MYO9A: variants seen among roughly 807,000 people sequenced by gnomAD.
MYO9A encodes the protein unconventional myosin-IXa.
A neutral mutation model predicts 293.3 loss-of-function variants in MYO9A; 103 were observed. The ratio of observed to expected loss-of-function variants is 0.35; its 90% CI spans 0.30 to 0.41. The LOEUF (loss-of-function observed/expected upper bound fraction) is 0.41, where lower values mean the gene tolerates loss of function less well. Ranked by LOEUF, MYO9A falls within the 10% of genes least tolerant of loss-of-function variation. The pLI, the probability that MYO9A is intolerant of heterozygous loss-of-function variation, is 1.00. For missense variants in MYO9A, 2,685 were observed against 3,033.0 expected, an observed-to-expected ratio of 0.89 and a Z score of 2.69; for synonymous variants, 1,001 against 1,035.7, an observed-to-expected ratio of 0.97 and a Z score of 0.64.
In MYO9A at chr15:71,893,611, T is replaced by C. The variant is rs1055064262; in HGVS notation, c.5142+68A>G. The C allele has an allele frequency of 7.7e-6, 10 of 1,302,878 alleles. No homozygotes were observed. The Admixed American group carries it at 1.3e-4, about 17-fold the overall frequency. 80.7% of individuals were successfully genotyped at this position (1,302,878 alleles called of 1,614,324 possible). ...AGATGAGGTGCTCTACCTACAAGAA[T>C]AATAATTTCCAAAATAATGTACATC... On this transcript the variant is annotated intron_variant, in intron 26 of 41. Coordinates refer to ENST00000356056, the MANE Select transcript of MYO9A (RefSeq NM_006901.4).
Position 71,913,968 on chromosome 15 carries a change from T to G in MYO9A, c.2685+2402A>C, listed in dbSNP as rs139494218. ...ACCAGAAATTGTTAGGTCTACAGGA[T>G]TTAGGTGATTAGAATAATCATTCTT... On this transcript the variant is annotated intron_variant, in intron 19 of 41. Coordinates refer to ENST00000356056, the MANE Select transcript of MYO9A (RefSeq NM_006901.4). Among the ~76,000 whole-genome samples, 6 of 152,324 alleles carry G rather than the reference T, an allele frequency of 3.9e-5. No homozygotes were observed. The East Asian group carries it at 1.2e-3, about 29-fold the overall frequency.
At chr15:72,116,262 A>C (rs1016104997) in intron 1 of MYO9A, among the ~76,000 whole-genome samples, 1 of 151,600 alleles carries the variant, frequency 6.6e-6, no homozygotes, top group Non-Finnish European at 1.5e-5. Flanking sequence ...TTTTAATGTG[A>C]TTTTCTCCTG....
chr15:72,101,322 C>T (rs1457409301), intron 1 of MYO9A, among the ~76,000 whole-genome samples: 3 of 144,212 alleles, frequency 2.1e-5, no homozygotes, highest in African/African-American at 7.7e-5. Context: ...CCAGCCGCCC[C>T]GTCCGGGAGG....
chr15:72,026,871 T>C (rs2077690482), intron 4 of MYO9A, among the ~76,000 whole-genome samples: 1 of 152,100 alleles, frequency 6.6e-6, no homozygotes, highest in African/African-American at 2.4e-5. Context: ...CCTAGAAAGA[T>C]AAAAACTACC....
chr15:72,083,793 T>C (rs896653719), intron 1 of MYO9A, among the ~76,000 whole-genome samples: 2 of 152,240 alleles, frequency 1.3e-5, no homozygotes, highest in Non-Finnish European at 2.9e-5. Flanking sequence ...TTAATTTCCA[T>C]GTAATTGTAT....
intron 5 of MYO9A, 76 bp downstream of exon 5, chr15:72,020,842 A>C (rs903325182): frequency 4.3e-5 from 36 of 842,698 alleles, no homozygotes; most frequent in South Asian, 5.6e-5. Flanking sequence ...TTGAGAAAGT[A>C]CTAGAAAAAA....
intron 12 of MYO9A, among the ~76,000 whole-genome samples, chr15:71,975,428 T>TGTGTGA (rs2076116955): frequency 6.8e-6 from 1 of 147,944 alleles, no homozygotes; most frequent in African/African-American, 2.5e-5. Context: ...TGTGTGTGTG[T>TGTGTGA]AGGTTTTCGT....
chr15:72,065,281 C>T (rs113765940), intron 1 of MYO9A, among the ~76,000 whole-genome samples: 54 of 151,978 alleles, frequency 3.6e-4, no homozygotes, highest in African/African-American at 1.3e-3. Context: ...TTTGGGAGGC[C>T]GAGGCAGGCA....
intron 18 of MYO9A, among the ~76,000 whole-genome samples, chr15:71,917,275 G>A (rs951126611): frequency 2.6e-5 from 4 of 152,180 alleles, no homozygotes; most frequent in South Asian, 2.1e-4. Flanking sequence ...AGTGGCACAC[G>A]CCTGTAATCC....
intron 32 of MYO9A, among the ~76,000 whole-genome samples, chr15:71,873,599 T>C (rs1437011139): frequency 6.6e-6 from 1 of 152,228 alleles, no homozygotes. Flanking sequence ...TTCCAAACTC[T>C]AGGTAACTAA....
intron 25 of MYO9A, 131 bp downstream of exon 25, chr15:71,897,330 A>T: frequency 1.0e-6 from 1 of 971,676 alleles, no homozygotes; most frequent in Non-Finnish European, 1.5e-6. Context: ...ACAATTAGGG[A>T]ATATTTTTAC....
chr15:72,118,354 G>A (rs1184995144), upstream of MYO9A: 2 of 177,466 alleles, frequency 1.1e-5, no homozygotes, highest in Non-Finnish European at 2.3e-5. Context: ...GTACTGGAAA[G>A]GGATGTCGCA....
intron 36 of MYO9A, 33 bp downstream of exon 36, chr15:71,852,099 G>A (rs2055673146): frequency 1.3e-6 from 2 of 1,584,278 alleles, no homozygotes; most frequent in Non-Finnish European, 8.6e-7. Context: ...CCAACTATAG[G>A]CCTTCTCTCT....
At chr15:72,057,673 C>A (rs1233261332) in intron 1 of MYO9A, among the ~76,000 whole-genome samples, 1 of 152,196 alleles carries the variant, frequency 6.6e-6, no homozygotes, top group Non-Finnish European at 1.5e-5. Flanking sequence ...CTTCCCACAC[C>A]AGGGCCGCTA....
chr15:72,013,814 C>CT (rs2077244321), intron 6 of MYO9A, among the ~76,000 whole-genome samples: 1 of 151,898 alleles, frequency 6.6e-6, no homozygotes, highest in Non-Finnish European at 1.5e-5. Context: ...GTCTCTTTTT[C>CT]TTTTTTCTTT....
At chr15:71,850,547 T>A (rs1312276007) in intron 37 of MYO9A, among the ~76,000 whole-genome samples, 4 of 151,942 alleles carry the variant, frequency 2.6e-5, no homozygotes, top group African/African-American at 9.7e-5. Flanking sequence ...GGCAGATTAC[T>A]TGTGGTCAGG....
At chr15:71,842,593 C>G (rs1342448013) in intron 39 of MYO9A, among the ~76,000 whole-genome samples, 2 of 152,012 alleles carry the variant, frequency 1.3e-5, no homozygotes, top group Admixed American at 1.3e-4. Flanking sequence ...GGCACGGTGG[C>G]TCACACTTGT....
chr15:72,025,066 C>T (rs1230736328), intron 4 of MYO9A, among the ~76,000 whole-genome samples: 1 of 152,108 alleles, frequency 6.6e-6, no homozygotes, highest in African/African-American at 2.4e-5. Context: ...TATGGTCCAA[C>T]TGCATACTGT....
intron 34 of MYO9A, among the ~76,000 whole-genome samples, chr15:71,859,516 C>T (rs1004296014): frequency 2.6e-5 from 4 of 152,122 alleles, no homozygotes; most frequent in African/African-American, 7.2e-5. Context: ...CATATAGTAA[C>T]GGTAAAATAA....
Sources: allele counts gnomAD v4.1 joint callset (sites outside exome capture counted in the v4.1 genomes callset), GRCh38; gene constraint gnomAD v4.1.1; transcripts MANE v1.5; gene names NCBI Gene and HGNC (gene_info 2026-07-23, HGNC 2026-07-21).